Variants in ZNF608 observed in about 807,000 individuals in gnomAD.
ZNF608 encodes the protein zinc finger protein 608.
In ZNF608, 12 loss-of-function variants were observed where a neutral mutation model predicts 109.0. The observed-to-expected ratio is 0.11, with a 90% CI of 0.07 to 0.18. The LOEUF (loss-of-function observed/expected upper bound fraction) is 0.18, where lower values mean the gene tolerates loss of function less well. Among genes scored for constraint, ZNF608 ranks in the 10% least tolerant of loss-of-function variants. ZNF608 has a pLI of 1.00. For missense variants in ZNF608, 1,707 were observed against 1,879.3 expected, an observed-to-expected ratio of 0.91 and a Z score of 1.70; for synonymous variants, 732 against 717.4, an observed-to-expected ratio of 1.02 and a Z score of -0.33.
intron 2 of ZNF608, among the ~76,000 whole-genome samples, chr5:124,739,772 C>T (rs1166898556): frequency 6.6e-6 from 1 of 152,148 alleles, no homozygotes; most frequent in Non-Finnish European, 1.5e-5. Context: ...CAGACACCGT[C>T]GAAACTGGAG....
intron 2 of ZNF608, among the ~76,000 whole-genome samples, chr5:124,737,084 C>T (rs1749188834): frequency 6.6e-6 from 1 of 152,168 alleles, no homozygotes; most frequent in African/African-American, 2.4e-5. Flanking sequence ...TTAAAAGTCC[C>T]TTTAAGTAAA....
At chr5:124,675,106 G>C (rs1751886710) in intron 3 of ZNF608, among the ~76,000 whole-genome samples, 1 of 152,132 alleles carries the variant, frequency 6.6e-6, no homozygotes, top group South Asian at 2.1e-4. Flanking sequence ...TCTCTCCTTT[G>C]AAGGAGACTG....
intron 2 of ZNF608, 113 bp from the exon 3 acceptor site, chr5:124,701,382 T>G: frequency 1.5e-6 from 2 of 1,350,214 alleles, no homozygotes; most frequent in Non-Finnish European, 2.0e-6. Context: ...CATTTGCAAT[T>G]ATAATATGCT....
intron 3 of ZNF608, among the ~76,000 whole-genome samples, chr5:124,653,878 G>A (rs1750896825): frequency 6.6e-6 from 1 of 152,190 alleles, no homozygotes; most frequent in Non-Finnish European, 1.5e-5. Context: ...TATAAGACCA[G>A]GAAGCCAACT....
rs1315942194 is a variant in ZNF608 at position 124,648,050 on chromosome 5, A to G, written c.2334T>C (p.Ala778=). 6.2e-7 allele frequency: 1 copy of G among 1,613,884 alleles called. No individual in the cohort carries two copies. The highest frequency in any genetic ancestry group is 8.5e-7 in the Non-Finnish European group (1 of 1,180,046). Reference sequence around the variant, plus strand: ...GTTTTAACGGAGGACTCTTTGGTGTAGCCTGAACAACAGTTGTTGTGAGGG... The same window carrying G: ...GTTTTAACGGAGGACTCTTTGGTGTGGCCTGAACAACAGTTGTTGTGAGGG... The part of the protein sequence containing the change: ...LPSLTTTVVQ[A]TPKSPPLKPI... The change falls in exon 5 of 10, where the codon GCT becomes GCC. Residue 778 remains alanine (A), a synonymous_variant. Coordinates refer to ENST00000513986, the MANE Select transcript of ZNF608 (RefSeq NM_020747.3).
chr5:124,643,134 C>A (rs1458587326), intron 7 of ZNF608, among the ~76,000 whole-genome samples: 1 of 152,298 alleles, frequency 6.6e-6, no homozygotes, highest in East Asian at 1.9e-4. Context: ...AGCCTCTGAA[C>A]TACTTACTTA....
At chr5:124,641,677 T>G (rs2149781889) in intron 7 of ZNF608, among the ~76,000 whole-genome samples, 1 of 152,322 alleles carries the variant, frequency 6.6e-6, no homozygotes. Context: ...TCTCTCTATA[T>G]TCATTCATAA....
At chr5:124,686,496 C>T (rs4616890) in intron 3 of ZNF608, among the ~76,000 whole-genome samples, 42,819 of 152,144 alleles carry the variant, frequency 0.28, 6,201 homozygotes, top group Non-Finnish European at 0.3. Flanking sequence ...CCAGTTGTGG[C>T]TCTTCTGTGT....
At chr5:124,656,152 G>T (rs1750995655) in intron 3 of ZNF608, among the ~76,000 whole-genome samples, 1 of 152,078 alleles carries the variant, frequency 6.6e-6, no homozygotes, top group African/African-American at 2.4e-5. Context: ...TGAACATAGG[G>T]CTTTATCTGA....
chr5:124,693,247 A>G lies in ZNF608; in HGVS notation c.1162+7767T>C, dbSNP rs1190291128. ...AAATGCCTACCTATGATTACAAGCT[A>G]TTCTTTGCAGCCAATGAGACCATCT... On this transcript the variant is annotated intron_variant, in intron 3 of 9. Transcript: ENST00000513986. Among the ~76,000 whole-genome samples, 3 of 152,174 alleles carry G rather than the reference A, an allele frequency of 2.0e-5. No individual in the cohort carries two copies. The South Asian group carries it at 6.2e-4, about 31-fold the overall frequency.
chr5:124,665,934 T>C (rs1041276338), intron 3 of ZNF608, among the ~76,000 whole-genome samples: 1 of 152,228 alleles, frequency 6.6e-6, no homozygotes, highest in African/African-American at 2.4e-5. Flanking sequence ...AAATAAATTT[T>C]ACAGATGTAA....
intron 2 of ZNF608, among the ~76,000 whole-genome samples, chr5:124,728,018 G>T (rs1205012239): frequency 6.6e-6 from 1 of 152,066 alleles, no homozygotes; most frequent in African/African-American, 2.4e-5. Flanking sequence ...GGATTACAGG[G>T]GGTGAGCCAC....
chr5:124,746,644 CA>C (rs1256820665), upstream of ZNF608: 1 of 985,118 alleles, frequency 1.0e-6, no homozygotes, highest in African/African-American at 1.7e-5. Flanking sequence ...AGTAACGAGA[CA>C]GAATGTGCTA....
chr5:124,723,167 A>T (rs968579295), intron 2 of ZNF608, among the ~76,000 whole-genome samples: 1 of 151,692 alleles, frequency 6.6e-6, no homozygotes, highest in Non-Finnish European at 1.5e-5. Flanking sequence ...AATAGGTGGG[A>T]TTACAGGCAC....
chr5:124,685,529 G>A (rs1275224303), intron 3 of ZNF608, among the ~76,000 whole-genome samples: 1 of 151,590 alleles, frequency 6.6e-6, no homozygotes, highest in Non-Finnish European at 1.5e-5. Context: ...ATACCCACTG[G>A]TAGAGTATCT....
At chr5:124,731,953 T>C (rs553905229) in intron 2 of ZNF608, among the ~76,000 whole-genome samples, 5 of 152,230 alleles carry the variant, frequency 3.3e-5, no homozygotes, top group Admixed American at 6.5e-5. Flanking sequence ...AAAAAGTAAG[T>C]AGCAGTTTGA....
intron 8 of ZNF608, among the ~76,000 whole-genome samples, chr5:124,639,777 AT>A (rs1304438659): frequency 6.6e-6 from 1 of 152,198 alleles, no homozygotes; most frequent in Non-Finnish European, 1.5e-5. Flanking sequence ...CTAACAGAGA[AT>A]TCTTTTAAAT....
chr5:124,704,688 T>C (rs1753188681), intron 2 of ZNF608, among the ~76,000 whole-genome samples: 1 of 152,138 alleles, frequency 6.6e-6, no homozygotes, highest in African/African-American at 2.4e-5. Flanking sequence ...ACATTCCTCA[T>C]GGCATCAACT....
At chr5:124,693,974 C>CTTTTTTTATTTTTTTTTTTTTTTTTTT in intron 3 of ZNF608, among the ~76,000 whole-genome samples, 1 of 60,934 alleles carries the variant, frequency 1.6e-5, no homozygotes, top group African/African-American at 7.6e-5. Flanking sequence ...TTTCATTAAT[C>CTTTTTTTATTTTTTTTTTTTTTTTTTT]TTTTTTTTTT....
Sources: allele counts gnomAD v4.1 joint callset (sites outside exome capture counted in the v4.1 genomes callset), GRCh38; gene constraint gnomAD v4.1.1; transcripts MANE v1.5; gene names NCBI Gene and HGNC (gene_info 2026-07-23, HGNC 2026-07-21).